APOL1: variants seen among roughly 807,000 people sequenced by gnomAD.
APOL1 encodes the protein apolipoprotein L1.
Under a neutral mutation model 14.9 loss-of-function variants are expected in APOL1, and 17 were observed. The ratio of observed to expected loss-of-function variants is 1.14; its 90% CI spans 0.78 to 1.71. APOL1 has a LOEUF of 1.71. Ranked by LOEUF, APOL1 falls within the 40% of genes most tolerant of loss-of-function variation. The pLI is 0.00. For synonymous variants in APOL1, 195 were observed against 184.8 expected (o/e 1.05, Z -0.45); for missense variants, 523 against 485.9 (o/e 1.08, Z -0.72).
chr22:36,260,092 A>T (rs136154), intron 4 of APOL1, among the ~76,000 whole-genome samples: 129,743 of 152,218 alleles, frequency 0.85, 55,690 homozygotes, highest in African/African-American at 0.95. Flanking sequence ...TACTTTCTTC[A>T]TCTGTGAATT....
chr22:36,260,250 C>G (rs989510529), intron 4 of APOL1, among the ~76,000 whole-genome samples: 2 of 152,078 alleles, frequency 1.3e-5, no homozygotes, highest in Non-Finnish European at 2.9e-5. Flanking sequence ...AAAAAAATTA[C>G]CAGGCCTGGT....
chr22:36,257,197 G>C, intron 3 of APOL1, 61 bp downstream of exon 3: 1 of 1,612,118 alleles, frequency 6.2e-7, no homozygotes, highest in Non-Finnish European at 8.5e-7. Flanking sequence ...TCTGGTTTAG[G>C]TTGGTCTTGG....
intron 4 of APOL1, among the ~76,000 whole-genome samples, chr22:36,261,233 A>G (rs2016061744): frequency 6.6e-6 from 1 of 151,686 alleles, no homozygotes; most frequent in Non-Finnish European, 1.5e-5. Flanking sequence ...TCTGGGGAGG[A>G]CTCTCTTGCT....
rs373044647 is a variant in APOL1 at position 36,265,844 on chromosome 22, G to A, written c.1008G>A (p.Thr336=). ...ILEMSRGVKL[T]DVAPVSFFLV... ...AAATGAGCAGAGGAGTCAAGCTCACGGATGTGGCCCCTGTAAGCTTCTTTC... is the reference window on the plus strand; with the variant it reads ...AAATGAGCAGAGGAGTCAAGCTCACAGATGTGGCCCCTGTAAGCTTCTTTC... The change falls in exon 6 of 6, where the codon ACG becomes ACA. Residue 336 remains threonine (T), a synonymous_variant. Coordinates refer to ENST00000397278, the MANE Select transcript of APOL1 (RefSeq NM_003661.4). The A allele has an allele frequency of 2.4e-5, 39 of 1,614,036 alleles. No individual in the cohort carries two copies. In the Admixed American group the frequency reaches 5.0e-4, roughly 21 times the overall value.
intron 4 of APOL1, 25 bp from the exon 5 acceptor site, chr22:36,261,571 C>T: frequency 1.2e-6 from 2 of 1,607,822 alleles, no homozygotes; most frequent in Non-Finnish European, 1.7e-6. Flanking sequence ...TTCCTCCAAC[C>T]TTATCCTTTC....
At chr22:36,257,624 C>A in intron 4 of APOL1, 1 of 553,086 alleles carries the variant, frequency 1.8e-6, no homozygotes, top group Non-Finnish European at 3.3e-6. Context: ...CCCAGGTGCC[C>A]ACTTCCTCCC....
Position 36,266,411 on chromosome 22 carries a change from G to T in APOL1, c.*378G>T, listed in dbSNP as rs2016263829. On this transcript the variant is annotated 3_prime_UTR_variant, in exon 6 of 6. Coordinates refer to ENST00000397278, the MANE Select transcript of APOL1 (RefSeq NM_003661.4). ...ACCCAAATGCAAACATTTTATTAGGGGGATAAAGAGGGTGAGGTAAAGTTT... is the reference window on the plus strand; with the variant it reads ...ACCCAAATGCAAACATTTTATTAGGTGGATAAAGAGGGTGAGGTAAAGTTT... 7.3e-6 allele frequency: 3 copies of T among 409,958 alleles called. No homozygotes were observed. Among genetic ancestry groups the T allele is most frequent in the African/African-American group, 6.2e-5 (3 of 48,628 alleles). The allele number at this position is 409,958 out of a possible 1,614,324, so 25.4% of individuals were successfully genotyped here.
rs201739609 is a variant in APOL1 at position 36,265,472 on chromosome 22, G to A, written c.636G>A (p.Met212Ile). The change falls in exon 6 of 6, where the codon ATG becomes ATA. Residue 212 changes from methionine (M) to isoleucine (I), a missense_variant. Coordinates refer to ENST00000397278, the MANE Select transcript of APOL1 (RefSeq NM_003661.4). ...GCCTTGTACTCTTGGAACCTGGGAT[G>A]GAGTTGGGAATCACAGCCGCTTTGA... The part of the protein sequence containing the change: ...GGSLVLLEPG[M>I]ELGITAALTG... 82 of 1,614,022 alleles carry A rather than the reference G, an allele frequency of 5.1e-5. No homozygotes were observed. Among genetic ancestry groups the A allele is most frequent in the Non-Finnish European group, 1.3e-5 (15 of 1,180,022 alleles).
intron 1 of APOL1, among the ~76,000 whole-genome samples, chr22:36,254,232 A>T (rs771423272): frequency 6.6e-6 from 1 of 151,920 alleles, no homozygotes; most frequent in African/African-American, 2.4e-5. Flanking sequence ...AGTCCATGAA[A>T]TCAGGGGGGT....
intron 4 of APOL1, chr22:36,259,780 C>T (rs952990512): frequency 7.7e-7 from 1 of 1,304,258 alleles, no homozygotes. Context: ...GGTCCCGCCC[C>T]CATGCCCCGT....
intron 4 of APOL1, chr22:36,257,696 C>CGGGGGGGGGGGGGGG (rs71193213): frequency 4.7e-6 from 1 of 211,640 alleles, no homozygotes. Context: ...GTGGAATCAG[C>CGGGGGGGGGGGGGGG]GGGGGGGGGG....
In APOL1 at chr22:36,266,075, G is replaced by C. The variant is rs1007382357; in HGVS notation, c.*42G>C. 2 of 1,535,384 alleles carry C rather than the reference G, an allele frequency of 1.3e-6. No individual in the cohort carries two copies. The highest frequency in any genetic ancestry group is 4.4e-5 in the Admixed American group (2 of 45,078). On this transcript the variant is annotated 3_prime_UTR_variant, in exon 6 of 6. Coordinates refer to ENST00000397278, the MANE Select transcript of APOL1 (RefSeq NM_003661.4). ...CCACCAGGAGAGATATGCCTGGCAG[G>C]GGCCAGGACAAAATGCAAACTTTTT...
At position 36,265,256 on chromosome 22, in the gene APOL1, T is replaced by C; in HGVS notation, c.420T>C (p.Phe140=). 6.2e-7 allele frequency: 1 copy of C among 1,614,162 alleles called. No individual in the cohort carries two copies. Among genetic ancestry groups the C allele is most frequent in the South Asian group, 1.1e-5 (1 of 91,084 alleles). Residue 140 remains phenylalanine, a synonymous_variant, in exon 6 of 6, where the codon TTT becomes TTC. Transcript: ENST00000397278. ...HDKGQQYRNW[F]LKEFPRLKSE... ...AAGGCCAGCAGTACAGAAACTGGTT[T>C]CTGAAAGAGTTTCCTCGGTTGAAAA...
intron 4 of APOL1, chr22:36,259,749 G>T: frequency 7.7e-7 from 1 of 1,304,294 alleles, no homozygotes; most frequent in Non-Finnish European, 1.0e-6. Context: ...ACATGGAGGT[G>T]CCTCAAGGAT....
At chr22:36,254,883 A>G (rs1487072903) in intron 1 of APOL1, 54 bp from the exon 2 acceptor site, 2 of 1,607,504 alleles carry the variant, frequency 1.2e-6, no homozygotes, top group Admixed American at 1.7e-5. Context: ...TGAAATGAAA[A>G]TGGTGATTTC....
Position 36,266,033 on chromosome 22 carries a change from A to G in APOL1, c.1197A>G (p.Ter399TrpextTer26). Residue 399 changes from the stop codon to tryptophan (W), a stop_lost, in exon 6 of 6, where the codon TGA becomes TGG. Coordinates refer to ENST00000397278, the MANE Select transcript of APOL1 (RefSeq NM_003661.4). ...YKILQADQEL[*>W] ...TTCTGCAGGCGGACCAAGAACTGTG[A>G]CCACAGGGCAGGGCAGCCACCAGGA... 1 of 1,599,172 alleles carries G rather than the reference A, an allele frequency of 6.3e-7. No homozygotes were observed. Among genetic ancestry groups the G allele is most frequent in the Non-Finnish European group, 8.5e-7 (1 of 1,172,178 alleles).
chr22:36,266,107 T>TC lies in APOL1; in HGVS notation c.*75dup. On this transcript the variant is annotated 3_prime_UTR_variant, in exon 6 of 6. Coordinates refer to ENST00000397278, the MANE Select transcript of APOL1 (RefSeq NM_003661.4). ...GACAAAATGCAAACTTTTTTTTTTT[T>TC]CTGAGACAGAGTCTTGCTCTGTCGC... The TC allele has an allele frequency of 6.9e-6, 10 of 1,455,138 alleles. No individual in the cohort carries two copies. The highest frequency in any genetic ancestry group is 2.8e-5 in the South Asian group (2 of 71,724). The allele number at this position is 1,455,138 out of a possible 1,614,324, so 90.1% of individuals were successfully genotyped here. A position where few individuals can be genotyped will look rare whatever the true frequency, so the allele number is the denominator to read the frequency against.
Position 36,266,633 on chromosome 22 carries a change from T to C in APOL1, c.*600T>C, listed in dbSNP as rs9610476. On this transcript the variant is annotated 3_prime_UTR_variant, in exon 6 of 6. Transcript: ENST00000397278. The stretch of plus-strand genomic sequence containing the variant: ...AAAGAATATATTGGGGGGCCGGGTG[T>C]AGTGGCTCATGCCTGTAATCCGAGC... The C allele has an allele frequency of 0.17, 65,616 of 396,478 alleles. 5,871 individuals carry two copies. Among genetic ancestry groups the C allele is most frequent in the South Asian group, 0.21 (1,668 of 7,836 alleles). 24.6% of individuals were successfully genotyped at this position (396,478 alleles called of 1,614,324 possible).
At chr22:36,260,042 G>C in intron 4 of APOL1, 8 of 847,862 alleles carry the variant, frequency 9.4e-6, no homozygotes, top group Non-Finnish European at 1.3e-5. Context: ...TGAGCTTCCT[G>C]CTTGATGGTT....
Sources: allele counts gnomAD v4.1 joint callset (sites outside exome capture counted in the v4.1 genomes callset), GRCh38; gene constraint gnomAD v4.1.1; transcripts MANE v1.5; gene names NCBI Gene and HGNC (gene_info 2026-07-23, HGNC 2026-07-21).